The following MCF2L variants were observed in gnomAD, a reference collection of about 807,000 sequenced individuals.
MCF2L encodes guanine nucleotide exchange factor DBS.
In MCF2L, 97 loss-of-function variants were observed where a neutral mutation model predicts 153.4. That is an observed-to-expected ratio of 0.63 (90% confidence interval 0.54 to 0.75). MCF2L has a LOEUF of 0.75. Among genes scored for constraint, MCF2L ranks in the 30% least tolerant of loss-of-function variants. The pLI is 0.00. For missense variants in MCF2L, 1,347 were observed against 1,495.2 expected, an observed-to-expected ratio of 0.90 and a Z score of 1.64; for synonymous variants, 659 against 632.2, an observed-to-expected ratio of 1.04 and a Z score of -0.64.
chr13:112,966,964 G>A (rs80316694), upstream of MCF2L, among the ~76,000 whole-genome samples: 745 of 152,312 alleles, frequency 4.9e-3, 8 homozygotes, highest in African/African-American at 0.017. The surrounding 1 kb of genome is among the most constrained non-coding windows in gnomAD (Gnocchi z 4.1). Context: ...AGATCCTGAC[G>A]CAGCCCAAGG....
intron 1 of MCF2L, among the ~76,000 whole-genome samples, chr13:112,991,045 C>T (rs1594521431): frequency 6.6e-6 from 1 of 152,260 alleles, no homozygotes; most frequent in Non-Finnish European, 1.5e-5. Context: ...CCACCTGGCT[C>T]TGCACCTGGG....
At chr13:113,000,108 C>T (rs1045027303) in intron 1 of MCF2L, among the ~76,000 whole-genome samples, 1 of 152,156 alleles carries the variant, frequency 6.6e-6, no homozygotes, top group Non-Finnish European at 1.5e-5. Context: ...CCGTGGCCTC[C>T]CCCGGGGCTC....
chr13:112,940,312 C>G (rs1594358491), intron 2 of MCF2L, among the ~76,000 whole-genome samples: 1 of 152,258 alleles, frequency 6.6e-6, no homozygotes, highest in Non-Finnish European at 1.5e-5. Context: ...ACTGTCTCAT[C>G]TGTCTGGAGA....
intron 2 of MCF2L, among the ~76,000 whole-genome samples, chr13:112,925,174 T>C (rs909539787): frequency 1.3e-5 from 2 of 152,068 alleles, no homozygotes; most frequent in Non-Finnish European, 2.9e-5. Context: ...AAGGGCAAAA[T>C]GTACATTAAA....
intron 1 of MCF2L, among the ~76,000 whole-genome samples, chr13:112,898,884 G>A (rs1387638217): frequency 2.0e-5 from 3 of 152,248 alleles, no homozygotes; most frequent in Non-Finnish European, 1.5e-5. Context: ...TATCCTGCCT[G>A]ACTTCTCGCC....
At chr13:112,963,892 C>T (rs1320529968) in intron 2 of MCF2L, among the ~76,000 whole-genome samples, 1 of 152,232 alleles carries the variant, frequency 6.6e-6, no homozygotes, top group African/African-American at 2.4e-5. Context: ...CTTCAGTGTG[C>T]ACGGCCACGC....
At chr13:112,909,461 G>A (rs2081207957) in intron 2 of MCF2L, 8 of 615,168 alleles carry the variant, frequency 1.3e-5, no homozygotes, top group Admixed American at 2.6e-5. Flanking sequence ...CTGTGCAAAC[G>A]TCTTCGTCAG....
intron 3 of MCF2L, among the ~76,000 whole-genome samples, chr13:113,038,937 A>G (rs936659875): frequency 2.0e-5 from 3 of 152,144 alleles, no homozygotes; most frequent in African/African-American, 7.2e-5. Context: ...GGCTCACTGC[A>G]AGCGCCGCCT....
chr13:112,970,661 G>T (rs1449211799), intron 1 of MCF2L, among the ~76,000 whole-genome samples: 1 of 152,088 alleles, frequency 6.6e-6, no homozygotes, highest in Non-Finnish European at 1.5e-5. Context: ...CCCTTGCTCT[G>T]CATGCCTCTG....
chr13:112,975,124 C>T (rs2082171139), intron 1 of MCF2L, among the ~76,000 whole-genome samples: 1 of 152,210 alleles, frequency 6.6e-6, no homozygotes, highest in African/African-American at 2.4e-5. Flanking sequence ...CATTTTATAA[C>T]TCTGGGTGTG....
rs549038499 is a variant in MCF2L at position 112,983,952 on chromosome 13, C to T, written c.79+14494C>T. Among the ~76,000 whole-genome samples, 226 of 152,304 alleles carry T rather than the reference C, an allele frequency of 1.5e-3. No homozygotes were observed. Among genetic ancestry groups the T allele is most frequent in the African/African-American group, 5.1e-3 (212 of 41,562 alleles). Reference sequence around the variant, plus strand: ...AGGAGCCTCCTCTGCCCGGAGGAGACGGTGCTGGGAGAAAATGTAGCTGCA... The same window carrying T: ...AGGAGCCTCCTCTGCCCGGAGGAGATGGTGCTGGGAGAAAATGTAGCTGCA... On this transcript the variant is annotated intron_variant, in intron 1 of 29. Coordinates refer to ENST00000535094, the MANE Select transcript of MCF2L (RefSeq NM_001112732.3). The surrounding 1 kb of genome is among the most constrained non-coding windows in gnomAD (Gnocchi z 4.0).
chr13:112,922,149 C>T (rs578148807), intron 2 of MCF2L, among the ~76,000 whole-genome samples: 23 of 152,174 alleles, frequency 1.5e-4, no homozygotes, highest in South Asian at 6.2e-4. Context: ...TAGTAGTCGA[C>T]TTTGTACAAC....
chr13:113,016,877 G>A (rs981665897), intron 2 of MCF2L, among the ~76,000 whole-genome samples: 9 of 152,246 alleles, frequency 5.9e-5, no homozygotes, highest in African/African-American at 9.6e-5. Flanking sequence ...CGTGTGTGGC[G>A]TGGGTCCCTC....
chr13:112,914,056 C>G (rs919967390), intron 2 of MCF2L, among the ~76,000 whole-genome samples: 1 of 152,164 alleles, frequency 6.6e-6, no homozygotes. Context: ...AGCCTGGGTT[C>G]TTTTCTTTTT....
chr13:112,937,108 C>T (rs2081522798), intron 2 of MCF2L, among the ~76,000 whole-genome samples: 1 of 152,170 alleles, frequency 6.6e-6, no homozygotes, highest in African/African-American at 2.4e-5. Flanking sequence ...GGCTGGAGTA[C>T]AGTGGCTCGA....
chr13:113,059,777 G>A (rs1000472477), intron 4 of MCF2L, among the ~76,000 whole-genome samples: 2 of 152,210 alleles, frequency 1.3e-5, no homozygotes, highest in African/African-American at 4.8e-5. Context: ...AAGTTCCCAC[G>A]CCTTGTAAGA....
intron 1 of MCF2L, among the ~76,000 whole-genome samples, chr13:112,985,985 C>T (rs1325654096): frequency 6.6e-6 from 1 of 152,136 alleles, no homozygotes; most frequent in African/African-American, 2.4e-5. Context: ...AGCTGTGAGC[C>T]CCGGCCACTC....
In MCF2L at chr13:113,014,794, C is replaced by A. The variant is rs779414982; in HGVS notation, c.111C>A (p.Leu37=). 1.5e-5 allele frequency: 25 copies of A among 1,614,098 alleles called. No individual in the cohort carries two copies. In the South Asian group the frequency reaches 2.7e-4, roughly 18 times the overall value. Residue 37 remains leucine (L), a synonymous_variant, in exon 2 of 30, where the codon CTC becomes CTA. Coordinates refer to ENST00000535094, the MANE Select transcript of MCF2L (RefSeq NM_001112732.3). ...DEIMHQDIVP[L]CAADIQDQLK... Reference sequence around the variant, plus strand: ...TCATGCACCAGGACATCGTCCCGCTCTGTGCTGCCGACATCCAGGACCAGC... The same window carrying A: ...TCATGCACCAGGACATCGTCCCGCTATGTGCTGCCGACATCCAGGACCAGC...
intron 2 of MCF2L, among the ~76,000 whole-genome samples, chr13:112,922,336 A>G (rs2081361158): frequency 6.6e-6 from 1 of 152,204 alleles, no homozygotes; most frequent in African/African-American, 2.4e-5. Flanking sequence ...ATCTCTAAAG[A>G]TCATACAATT....
Sources: allele counts gnomAD v4.1 joint callset (sites outside exome capture counted in the v4.1 genomes callset), GRCh38; gene constraint gnomAD v4.1.1; non-coding constraint Gnocchi (gnomAD v3.1); transcripts MANE v1.5; gene names NCBI Gene and HGNC (gene_info 2026-07-23, HGNC 2026-07-21).